CUL3: variants seen among roughly 807,000 people sequenced by gnomAD.
CUL3 encodes the protein cullin 3.
A neutral mutation model predicts 89.1 loss-of-function variants in CUL3; 19 were observed. The ratio of observed to expected loss-of-function variants is 0.21; its 90% confidence interval spans 0.15 to 0.31. The LOEUF (loss-of-function observed/expected upper bound fraction) is 0.31, where lower values mean the gene tolerates loss of function less well. Among genes scored for constraint, CUL3 ranks in the 10% least tolerant of loss-of-function variants. CUL3 has a pLI of 1.00. For synonymous variants in CUL3, 351 were observed against 308.4 expected, an observed-to-expected ratio of 1.14 and a Z score of -1.45; for missense variants, 469 against 942.3, an observed-to-expected ratio of 0.50 and a Z score of 6.58.
rs761556196 is a variant in CUL3, at chr2:224,511,347, C to G, written c.883+7G>C. ...GATTTAATTATTTTTCAATCGGTAA[C>G]ACTTACCTTCTGTCTTTCCATTTTT... On this transcript the variant is annotated splice_region_variant and intron_variant, in intron 6 of 15. Transcript: ENST00000264414. 3 of 1,569,316 alleles carry G rather than the reference C, an allele frequency of 1.9e-6. No individual in the cohort carries two copies.
At chr2:224,516,500 A>G (rs1357832378) in intron 3 of CUL3, among the ~76,000 whole-genome samples, 1 of 151,854 alleles carries the variant, frequency 6.6e-6, no homozygotes, top group African/African-American at 2.4e-5. Flanking sequence ...TATGTTTAGT[A>G]GAGACAGGGT....
Position 224,585,252 on chromosome 2 carries a change from T to TCCGCGGGGTCCC in CUL3, c.-255_-244dup. ...TGGGGGGCTGCGCTGGCGCGGCGGC[T>TCCGCGGGGTCCC]CCGCGGGGTCCCCCTCACGTCCGGC... On this transcript the variant is annotated 5_prime_UTR_variant, in exon 1 of 16. Coordinates refer to ENST00000264414, the MANE Select transcript of CUL3 (RefSeq NM_003590.5). 2.5e-6 allele frequency: 1 copy of TCCGCGGGGTCCC among 392,778 alleles called. No individual in the cohort carries two copies. The highest frequency in any genetic ancestry group is 3.6e-5 in the East Asian group (1 of 27,738). The allele number at this position is 392,778 out of a possible 1,614,324, so 24.3% of individuals were successfully genotyped here.
At chr2:224,577,525 C>A (rs1157900696) in intron 1 of CUL3, among the ~76,000 whole-genome samples, 3 of 150,390 alleles carry the variant, frequency 2.0e-5, no homozygotes, top group Non-Finnish European at 4.4e-5. Context: ...GCTGAGATCA[C>A]GCCACTGCAC....
At chr2:224,501,499 A>T (rs1692387590) in intron 10 of CUL3, among the ~76,000 whole-genome samples, 1 of 152,240 alleles carries the variant, frequency 6.6e-6, no homozygotes, top group African/African-American at 2.4e-5. Context: ...GATATTCAGG[A>T]TGTGTTATAA....
At chr2:224,578,280 G>C (rs961349831) in intron 1 of CUL3, among the ~76,000 whole-genome samples, 2 of 152,206 alleles carry the variant, frequency 1.3e-5, no homozygotes, top group Non-Finnish European at 2.9e-5. Flanking sequence ...TAAGCAAACT[G>C]AAGTATGATA....
chr2:224,546,153 T>C (rs1024262121), intron 2 of CUL3, among the ~76,000 whole-genome samples: 7 of 152,198 alleles, frequency 4.6e-5, no homozygotes, highest in Admixed American at 2.0e-4. Context: ...ATGGTTAAGA[T>C]ATACATTAAA....
At chr2:224,490,322 C>A (rs1691911438) in intron 13 of CUL3, among the ~76,000 whole-genome samples, 1 of 152,198 alleles carries the variant, frequency 6.6e-6, no homozygotes, top group Admixed American at 6.5e-5. Context: ...CTCTCTCTAA[C>A]CCCCTCTCTC....
chr2:224,505,741 C>T (rs1692574611), intron 8 of CUL3: 1 of 269,692 alleles, frequency 3.7e-6, no homozygotes, highest in Non-Finnish European at 6.8e-6. Flanking sequence ...CATCCAGTTG[C>T]TTGTTTTTGA....
At chr2:224,584,911 C>CCCCGGGGT (rs771555958) in intron 1 of CUL3, 33 bp downstream of exon 1, 2 of 1,440,710 alleles carry the variant, frequency 1.4e-6, no homozygotes, top group South Asian at 2.5e-5. Context: ...CGGCCCCCGG[C>CCCCGGGGT]CCCGGGGTCC....
At chr2:224,508,129 A>G (rs1692673788) in intron 6 of CUL3, among the ~76,000 whole-genome samples, 2 of 151,682 alleles carry the variant, frequency 1.3e-5, no homozygotes, top group African/African-American at 4.8e-5. Context: ...TTTTTTTAAC[A>G]AAACTGGTAG....
intron 3 of CUL3, among the ~76,000 whole-genome samples, chr2:224,525,168 T>C (rs528961343): frequency 6.6e-6 from 1 of 152,278 alleles, no homozygotes; most frequent in South Asian, 2.1e-4. Context: ...CACCTTAAAA[T>C]TCTGGGTTTA....
intron 2 of CUL3, among the ~76,000 whole-genome samples, chr2:224,545,784 T>C (rs1403357327): frequency 6.6e-6 from 1 of 152,068 alleles, no homozygotes; most frequent in Admixed American, 6.5e-5. Context: ...ATACAATAAA[T>C]AGCACTACGG....
Position 224,497,828 on chromosome 2 carries a change from A to G in CUL3, c.1632T>C (p.Ser544=). Reference sequence around the variant, plus strand: ...GATGCTGGAGTGTGAGCTGTCGACCACTGTGTTTGGCTAAGTAGAACCTTC... The same window carrying G: ...GATGCTGGAGTGTGAGCTGTCGACCGCTGTGTTTGGCTAAGTAGAACCTTC... ...IFRRFYLAKH[S]GRQLTLQHHM... The change falls in exon 12 of 16, where the codon AGT becomes AGC. Residue 544 remains serine, a synonymous_variant. Transcript: ENST00000264414. 6.2e-7 allele frequency: 1 copy of G among 1,613,968 alleles called. No homozygotes were observed. Among genetic ancestry groups the G allele is most frequent in the South Asian group, 1.1e-5 (1 of 91,080 alleles).
intron 1 of CUL3, among the ~76,000 whole-genome samples, chr2:224,583,585 A>T (rs940693219): frequency 6.6e-6 from 1 of 152,228 alleles, no homozygotes; most frequent in East Asian, 1.9e-4. Flanking sequence ...ACATTCAAAA[A>T]ATCTTTAATT....
chr2:224,526,238 T>C (rs1370188279), intron 3 of CUL3, among the ~76,000 whole-genome samples: 2 of 152,138 alleles, frequency 1.3e-5, no homozygotes, highest in African/African-American at 4.8e-5. Flanking sequence ...CCATATACAT[T>C]GTCAGAGTCC....
intron 3 of CUL3, among the ~76,000 whole-genome samples, chr2:224,515,753 T>C (rs1209216513): frequency 2.8e-4 from 42 of 151,952 alleles, no homozygotes; most frequent in Non-Finnish European, 1.2e-4. Flanking sequence ...TGGAGTACAG[T>C]GGTGCCATCT....
chr2:224,580,326 C>T (rs1695403217), intron 1 of CUL3, among the ~76,000 whole-genome samples: 1 of 152,164 alleles, frequency 6.6e-6, no homozygotes, highest in African/African-American at 2.4e-5. Context: ...TTTAAAAATG[C>T]AAATTGTGCA....
At chr2:224,538,894 T>C (rs959880591) in intron 2 of CUL3, among the ~76,000 whole-genome samples, 103 of 152,202 alleles carry the variant, frequency 6.8e-4, no homozygotes, top group African/African-American at 2.4e-3. Flanking sequence ...TTAAGTACGA[T>C]GCAGTAGTGT....
chr2:224,563,702 C>G (rs1228165826), intron 1 of CUL3, among the ~76,000 whole-genome samples: 1 of 152,142 alleles, frequency 6.6e-6, no homozygotes, highest in Non-Finnish European at 1.5e-5. Flanking sequence ...GGATGTGAAT[C>G]CTGAATTACA....
Sources: gnomAD v4.1 joint callset for allele counts (sites outside exome capture counted in the v4.1 genomes callset) on GRCh38, gnomAD v4.1.1 for gene constraint, MANE v1.5 for transcripts, NCBI Gene and HGNC (gene_info 2026-07-23, HGNC 2026-07-21) for gene names.